Variants in NFIB observed in about 807,000 individuals in gnomAD.
The protein encoded by NFIB is nuclear factor 1 B-type.
NFIB carries 11 observed loss-of-function variants against 61.5 expected under a neutral mutation model. The observed-to-expected ratio is 0.18, with a 90% CI of 0.11 to 0.30. The LOEUF (loss-of-function observed/expected upper bound fraction) is 0.30, where lower values mean the gene tolerates loss of function less well. NFIB is among the 10% of genes least tolerant of loss of function. NFIB has a pLI of 1.00. For missense variants in NFIB, 471 were observed against 608.9 expected (o/e 0.77, Z 2.38); for synonymous variants, 260 against 216.5 (o/e 1.20, Z -1.76).
chr9:14,348,229 A>T (rs2061058022), intron 1 of NFIB, among the ~76,000 whole-genome samples: 2 of 152,136 alleles, frequency 1.3e-5, no homozygotes, highest in Admixed American at 6.5e-5. Context: ...TATATCATAC[A>T]ACTGCAGCGC....
At chr9:14,114,471 G>A (rs1383888365) in intron 9 of NFIB, among the ~76,000 whole-genome samples, 1 of 152,126 alleles carries the variant, frequency 6.6e-6, no homozygotes, top group African/African-American at 2.4e-5. Flanking sequence ...ATTACTGGTG[G>A]TGCCTAAGAA....
At chr9:14,330,983 T>C (rs72700523) in intron 1 of NFIB, among the ~76,000 whole-genome samples, 89 of 152,240 alleles carry the variant, frequency 5.8e-4, no homozygotes, top group Non-Finnish European at 1.1e-3. Flanking sequence ...ATGCAAGCTT[T>C]TTCGGGGGCA....
chr9:14,312,252 T>G (rs1183695662), intron 1 of NFIB, among the ~76,000 whole-genome samples: 1 of 152,268 alleles, frequency 6.6e-6, no homozygotes, highest in Admixed American at 6.5e-5. Flanking sequence ...TGAATCACAA[T>G]GGCTTCTAAT....
chr9:14,370,376 T>C (rs2061345675), intron 1 of NFIB, among the ~76,000 whole-genome samples: 1 of 152,132 alleles, frequency 6.6e-6, no homozygotes, highest in South Asian at 2.1e-4. Flanking sequence ...AACACAAGGG[T>C]AGTTAACTGT....
chr9:14,329,159 T>C (rs563976802), intron 1 of NFIB, among the ~76,000 whole-genome samples: 1 of 152,354 alleles, frequency 6.6e-6, no homozygotes, highest in South Asian at 2.1e-4. Context: ...TCAAATGCTC[T>C]TCTTATAGAT....
chr9:14,397,465 T>C (rs1359522681), intron 1 of NFIB, among the ~76,000 whole-genome samples: 2 of 152,248 alleles, frequency 1.3e-5, no homozygotes, highest in African/African-American at 4.8e-5. Flanking sequence ...TGTTTCTGAC[T>C]ATTTAATATG....
chr9:14,154,541 T>C (rs2043182701), intron 4 of NFIB, among the ~76,000 whole-genome samples: 1 of 152,084 alleles, frequency 6.6e-6, no homozygotes, highest in Admixed American at 6.6e-5. Flanking sequence ...AAAAACACAT[T>C]AAGGTACACT....
chr9:14,195,464 G>A (rs1420479262), intron 2 of NFIB, among the ~76,000 whole-genome samples: 1 of 152,214 alleles, frequency 6.6e-6, no homozygotes, highest in Non-Finnish European at 1.5e-5. Flanking sequence ...ACGAAACAGA[G>A]AAATAATCTC....
At chr9:14,400,609 C>G (rs2061733438), upstream of NFIB, among the ~76,000 whole-genome samples, 1 of 152,000 alleles carries the variant, frequency 6.6e-6, no homozygotes, top group South Asian at 2.1e-4. Context: ...CGAAAGCAAA[C>G]AACATGCTTA....
intron 2 of NFIB, among the ~76,000 whole-genome samples, chr9:14,234,453 T>A (rs1001105658): frequency 6.6e-6 from 1 of 151,546 alleles, no homozygotes; most frequent in Non-Finnish European, 1.5e-5. Context: ...CACTGCAACC[T>A]CCACCTTCCG....
the NFIB span, among the ~76,000 whole-genome samples, chr9:14,525,105 A>G: frequency 2.0e-5 from 3 of 152,190 alleles, no homozygotes; most frequent in African/African-American, 7.2e-5. Context: ...AAAGAATTCA[A>G]CTACCTCCAA....
chr9:14,474,958 G>C, the NFIB span, among the ~76,000 whole-genome samples: 4 of 152,176 alleles, frequency 2.6e-5, no homozygotes, highest in Non-Finnish European at 5.9e-5. Flanking sequence ...GCCCTCAATG[G>C]ATTGTGTGCT....
the NFIB span, among the ~76,000 whole-genome samples, chr9:14,531,686 T>TCAA: frequency 1.4e-5 from 1 of 72,404 alleles, no homozygotes; most frequent in Non-Finnish European, 3.1e-5. Flanking sequence ...GCATTTTTCT[T>TCAA]TAAAAAAAAA....
the NFIB span, among the ~76,000 whole-genome samples, chr9:14,482,181 T>G: frequency 1.3e-5 from 2 of 151,878 alleles, no homozygotes; most frequent in Non-Finnish European, 2.9e-5. Flanking sequence ...ATTAGTTTTC[T>G]TAGTTCACGA....
chr9:14,141,925 A>C (rs2041768167), intron 6 of NFIB, among the ~76,000 whole-genome samples: 1 of 91,084 alleles, frequency 1.1e-5, no homozygotes, highest in Non-Finnish European at 2.0e-5. Flanking sequence ...AAAAAAAAAA[A>C]ACAACGAAAT....
chr9:14,255,509 CAT>C (rs1341924163), intron 2 of NFIB, among the ~76,000 whole-genome samples: 1 of 152,096 alleles, frequency 6.6e-6, no homozygotes, highest in Non-Finnish European at 1.5e-5. Context: ...ATTAACCAAA[CAT>C]GATATAAAAA....
At chr9:14,183,909 A>G (rs2047069987) in intron 2 of NFIB, among the ~76,000 whole-genome samples, 1 of 152,192 alleles carries the variant, frequency 6.6e-6, no homozygotes, top group Non-Finnish European at 1.5e-5. Context: ...TCTTCTAAAA[A>G]AAAAGTAATG....
chr9:14,365,745 T>C lies in NFIB; in HGVS notation c.108+32779A>G, dbSNP rs555313417. Among the ~76,000 whole-genome samples, 3 of 152,288 alleles carry C rather than the reference T, an allele frequency of 2.0e-5. No homozygotes were observed. The East Asian group carries it at 5.8e-4, about 29-fold the overall frequency. On this transcript the variant is annotated intron_variant, in intron 1 of 8. Transcript: ENST00000380934. Reference sequence around the variant, plus strand: ...ATTTTCTTAGGAAAGCTTGTCCTAGTATAGGGGAAGTTTTTAAGTTTTTCT... The same window carrying C: ...ATTTTCTTAGGAAAGCTTGTCCTAGCATAGGGGAAGTTTTTAAGTTTTTCT...
At chr9:14,103,487 G>A (rs1356889936) in intron 10 of NFIB, among the ~76,000 whole-genome samples, 1 of 151,978 alleles carries the variant, frequency 6.6e-6, no homozygotes, top group East Asian at 1.9e-4. Flanking sequence ...AGAATTTCCA[G>A]ATGATGACTG....
Sources: gnomAD v4.1 joint callset for allele counts (sites outside exome capture counted in the v4.1 genomes callset) on GRCh38, gnomAD v4.1.1 for gene constraint, MANE v1.5 for transcripts, NCBI Gene and HGNC (gene_info 2026-07-23, HGNC 2026-07-21) for gene names.